Variants in ARHGAP15 observed in about 807,000 individuals in gnomAD.
ARHGAP15 encodes Rho GTPase activating protein 15, also known as rho GTPase-activating protein 15.
Under a neutral mutation model 63.7 loss-of-function variants are expected in ARHGAP15, and 51 were observed. That is an observed-to-expected ratio of 0.80 (90% CI 0.64 to 1.01). The LOEUF (loss-of-function observed/expected upper bound fraction) is 1.01, where lower values mean the gene tolerates loss of function less well. ARHGAP15 is among the 50% of genes least tolerant of loss of function. The probability of loss-of-function intolerance (pLI) is 0.00; values close to 1 mark genes in which losing one functional copy is unlikely to be tolerated. For missense variants in ARHGAP15, 560 were observed against 564.6 expected, an observed-to-expected ratio of 0.99 and a Z score of 0.08; for synonymous variants, 191 against 193.8, an observed-to-expected ratio of 0.99 and a Z score of 0.12.
At chr2:143,620,849 C>T (rs1698620708) in intron 11 of ARHGAP15, among the ~76,000 whole-genome samples, 1 of 152,152 alleles carries the variant, frequency 6.6e-6, no homozygotes, top group Non-Finnish European at 1.5e-5. Context: ...GCTTTCGTTG[C>T]AAAGTAGCCT....
At chr2:143,398,871 C>G (rs1197605892) in intron 6 of ARHGAP15, among the ~76,000 whole-genome samples, 1 of 151,608 alleles carries the variant, frequency 6.6e-6, no homozygotes, top group East Asian at 1.9e-4. Context: ...ACTAAACAAG[C>G]CTGAACATGT....
intron 1 of ARHGAP15, among the ~76,000 whole-genome samples, chr2:143,152,542 T>C (rs1366369593): frequency 6.6e-6 from 1 of 151,978 alleles, no homozygotes; most frequent in Non-Finnish European, 1.5e-5. Context: ...ATAAAGATTA[T>C]CTCTAGTCTC....
intron 5 of ARHGAP15, among the ~76,000 whole-genome samples, chr2:143,246,734 C>A (rs1694058860): frequency 6.6e-6 from 1 of 151,638 alleles, no homozygotes; most frequent in South Asian, 2.1e-4. Context: ...GGAAGTGAAG[C>A]CAGGAAGGAA....
At chr2:143,503,805 G>C (rs1468204028) in intron 9 of ARHGAP15, among the ~76,000 whole-genome samples, 1 of 152,170 alleles carries the variant, frequency 6.6e-6, no homozygotes, top group Admixed American at 6.5e-5. Context: ...TATGCTACAG[G>C]TATGATTGTT....
chr2:143,496,838 T>C (rs1175911808), intron 9 of ARHGAP15, among the ~76,000 whole-genome samples: 1 of 152,218 alleles, frequency 6.6e-6, no homozygotes, highest in Non-Finnish European at 1.5e-5. Flanking sequence ...AGCCAGCATA[T>C]TGGCATTTTG....
chr2:143,150,301 A>G (rs1689764920), intron 1 of ARHGAP15, among the ~76,000 whole-genome samples: 1 of 152,030 alleles, frequency 6.6e-6, no homozygotes, highest in Non-Finnish European at 1.5e-5. Context: ...AGTGTAGTTA[A>G]CAGAATGCAA....
At chr2:143,656,128 G>A (rs1035311068) in intron 12 of ARHGAP15, 2 of 152,150 alleles carry the variant, frequency 1.3e-5, no homozygotes, top group Non-Finnish European at 2.9e-5. Flanking sequence ...TGCTTACCTT[G>A]CATACAAGAT....
intron 6 of ARHGAP15, among the ~76,000 whole-genome samples, chr2:143,396,386 A>G (rs1440871572): frequency 6.6e-6 from 1 of 152,072 alleles, no homozygotes; most frequent in Non-Finnish European, 1.5e-5. Context: ...TCAATAACAT[A>G]CCAAAGAGTG....
rs577770981 is a variant in ARHGAP15, at chr2:143,238,374, A to T, written c.384+9706A>T. 7 of 152,342 alleles carry T rather than the reference A, an allele frequency of 4.6e-5. 1 individual carries two copies. The East Asian group carries it at 1.3e-3, about 29-fold the overall frequency. The allele number at this position is 152,342 out of a possible 1,614,324, so 9.4% of individuals were successfully genotyped here. On this transcript the variant is annotated intron_variant, in intron 5 of 13. Transcript: ENST00000295095. ...GAAAAAACAAACAACTCCATTAAAA[A>T]GTAGGCAAAGGACATGAACAGATAC...
intron 6 of ARHGAP15, among the ~76,000 whole-genome samples, chr2:143,416,843 ACG>A (rs60148649): frequency 0.4 from 27,631 of 68,850 alleles, 2,721 homozygotes; most frequent in South Asian, 0.5. Flanking sequence ...CCACGCCCCC[ACG>A]CCCCCACGCC....
rs755241343 is a variant in ARHGAP15, at chr2:143,437,734, G to A, written c.703+692G>A. On this transcript the variant is annotated intron_variant, in intron 8 of 13. Transcript: ENST00000295095. ...GAGTCTCAACCTCCTGAAAGAAAAG[G>A]TAGACATCTGGCTGGGCGAGGTAGC... Among the ~76,000 whole-genome samples the A allele has an allele frequency of 2.3e-4, 35 of 152,198 alleles. 1 individual carries two copies. Among genetic ancestry groups the A allele is most frequent in the Non-Finnish European group, 3.7e-4 (25 of 68,000 alleles).
intron 6 of ARHGAP15, among the ~76,000 whole-genome samples, chr2:143,366,227 T>A (rs983268969): frequency 6.6e-6 from 1 of 151,908 alleles, no homozygotes; most frequent in African/African-American, 2.4e-5. Context: ...AAGTAACAGA[T>A]CCTGTATCTA....
intron 13 of ARHGAP15, among the ~76,000 whole-genome samples, chr2:143,740,887 A>AT (rs1000659343): frequency 3.3e-5 from 5 of 151,976 alleles, no homozygotes; most frequent in Non-Finnish European, 5.9e-5. Flanking sequence ...CATCCCATCC[A>AT]TTTTTTTCCA....
At chr2:143,491,361 GT>G (rs1692573482) in intron 9 of ARHGAP15, among the ~76,000 whole-genome samples, 1 of 152,146 alleles carries the variant, frequency 6.6e-6, no homozygotes, top group Non-Finnish European at 1.5e-5. Flanking sequence ...AGGTAATACA[GT>G]TTTTAGAGAA....
At chr2:143,225,494 G>C (rs1243428448) in intron 4 of ARHGAP15, among the ~76,000 whole-genome samples, 1 of 152,060 alleles carries the variant, frequency 6.6e-6, no homozygotes, top group Non-Finnish European at 1.5e-5. Context: ...CCAGCTACTG[G>C]GGAGGCTGAG....
At chr2:143,145,026 A>G (rs1689522615) in intron 1 of ARHGAP15, among the ~76,000 whole-genome samples, 1 of 152,086 alleles carries the variant, frequency 6.6e-6, no homozygotes, top group East Asian at 1.9e-4. Context: ...AAATGGGAAT[A>G]TCTGTGGAAG....
At chr2:143,682,993 T>G (rs967688092) in intron 12 of ARHGAP15, 1 of 152,172 alleles carries the variant, frequency 6.6e-6, no homozygotes, top group African/African-American at 2.4e-5. Flanking sequence ...TTTATTTTGT[T>G]TGGAATACAT....
At chr2:143,240,351 A>G (rs534314437) in intron 5 of ARHGAP15, among the ~76,000 whole-genome samples, 1 of 152,326 alleles carries the variant, frequency 6.6e-6, no homozygotes, top group South Asian at 2.1e-4. Flanking sequence ...TTATGGAAGG[A>G]AAATGATGTG....
At position 143,414,224 on chromosome 2, in the gene ARHGAP15, AATG is replaced by A. The variant is rs1176399445; in HGVS notation, c.475-21372_475-21370del. On this transcript the variant is annotated intron_variant, in intron 6 of 13. Transcript: ENST00000295095. ...TAATAAAGATAAAAGCCAAAAACGAAATGATGAGGCAGCAAACTAAAAATGAAG... is the reference window on the plus strand; with the variant it reads ...TAATAAAGATAAAAGCCAAAAACGAAATGAGGCAGCAAACTAAAAATGAAG... Among the ~76,000 whole-genome samples, 4 of 151,852 alleles carry A rather than the reference AATG, an allele frequency of 2.6e-5. No homozygotes were observed. The East Asian group carries it at 7.7e-4, about 29-fold the overall frequency.
Sources: allele counts gnomAD v4.1 joint callset (sites outside exome capture counted in the v4.1 genomes callset), GRCh38; gene constraint gnomAD v4.1.1; transcripts MANE v1.5; gene names NCBI Gene and HGNC (gene_info 2026-07-23, HGNC 2026-07-21).